The following ABCA3 variants were observed in gnomAD, a reference collection of about 807,000 sequenced individuals.
ABCA3 encodes the protein phospholipid-transporting ATPase ABCA3.
In ABCA3, 88 loss-of-function variants were observed where a neutral mutation model predicts 172.8. The ratio of observed to expected loss-of-function variants is 0.51; its 90% CI spans 0.43 to 0.61. The LOEUF (loss-of-function observed/expected upper bound fraction) is 0.61, where lower values mean the gene tolerates loss of function less well. Among genes scored for constraint, ABCA3 ranks in the 20% least tolerant of loss-of-function variants. ABCA3 has a pLI of 0.00. For synonymous variants in ABCA3, 1,066 were observed against 983.8 expected, an observed-to-expected ratio of 1.08 and a Z score of -1.56; for missense variants, 2,164 against 2,301.0, an observed-to-expected ratio of 0.94 and a Z score of 1.22.
At position 2,325,961 on chromosome 16, in the gene ABCA3, G is replaced by A. The variant is rs771805090; in HGVS notation, c.319+49C>T. The A allele has an allele frequency of 3.7e-6, 6 of 1,609,096 alleles. No individual in the cohort carries two copies. The Admixed American group carries it at 5.0e-5, about 13-fold the overall frequency. Reference sequence around the variant, plus strand: ...GGGCTCGACCCCTGCCTGCCCAGCCGCGTGGAGGCACCACTAGGCCTGGCA... The same window carrying A: ...GGGCTCGACCCCTGCCTGCCCAGCCACGTGGAGGCACCACTAGGCCTGGCA... On this transcript the variant is annotated intron_variant, in intron 5 of 32. Transcript: ENST00000301732.
At chr16:2,291,529 C>A (rs2093671954) in intron 19 of ABCA3, among the ~76,000 whole-genome samples, 1 of 152,204 alleles carries the variant, frequency 6.6e-6, no homozygotes, top group Non-Finnish European at 1.5e-5. Context: ...ACGATCTAAG[C>A]CCAAGAAGAG....
At chr16:2,311,805 C>A (rs545292621) in intron 10 of ABCA3, among the ~76,000 whole-genome samples, 4 of 152,286 alleles carry the variant, frequency 2.6e-5, no homozygotes, top group African/African-American at 9.6e-5. Context: ...CAGGTGTGAG[C>A]CACTGTGCCC....
intron 12 of ABCA3, among the ~76,000 whole-genome samples, chr16:2,303,527 C>T (rs956137558): frequency 6.6e-6 from 1 of 152,114 alleles, no homozygotes; most frequent in Non-Finnish European, 1.5e-5. Context: ...ACCTTGGCCT[C>T]CCAAAGAGCT....
chr16:2,334,060 C>T (rs765855570), intron 1 of ABCA3, among the ~76,000 whole-genome samples: 12 of 152,030 alleles, frequency 7.9e-5, no homozygotes, highest in South Asian at 2.1e-4. Context: ...ATTGCTGTGA[C>T]GGATGCTAAA....
chr16:2,285,123 A>G lies in ABCA3; in HGVS notation c.3484-125T>C. 1 of 1,123,854 alleles carries G rather than the reference A, an allele frequency of 8.9e-7. No homozygotes were observed. The highest frequency in any genetic ancestry group is 1.3e-6 in the Non-Finnish European group (1 of 772,850). 69.6% of individuals were successfully genotyped at this position (1,123,854 alleles called of 1,614,324 possible). On this transcript the variant is annotated intron_variant, in intron 23 of 32. Coordinates refer to ENST00000301732, the MANE Select transcript of ABCA3 (RefSeq NM_001089.3). This position sits in a 1 kb window ranked among gnomAD's most constrained non-coding sequence, Gnocchi z 4.7. ...CCCGGTCAGCTGGCCCATGTCCATC[A>G]GCCCCACAGGCCACGTCTGGCCCCC...
Position 2,286,629 on chromosome 16 carries a change from AG to A in ABCA3, c.3278+64del, listed in dbSNP as rs1454800635. The A allele has an allele frequency of 6.2e-7, 1 of 1,600,152 alleles. No homozygotes were observed. The highest frequency in any genetic ancestry group is 1.3e-5 in the African/African-American group (1 of 74,540). On this transcript the variant is annotated intron_variant, in intron 22 of 32. Coordinates refer to ENST00000301732, the MANE Select transcript of ABCA3 (RefSeq NM_001089.3). The surrounding 1 kb of genome is among the most constrained non-coding windows in gnomAD (Gnocchi z 5.2). ...AATGCTCTATCTATGGGCCCGTGGC[AG>A]TGCCCAGGGCAGTCAGTCCTGGGGG...
At chr16:2,308,416 C>T (rs200111078) in intron 11 of ABCA3, 34 bp downstream of exon 11, 86 of 1,613,536 alleles carry the variant, frequency 5.3e-5, no homozygotes, top group Non-Finnish European at 6.5e-5. Context: ...GTTACTGATT[C>T]GGAAAGAACA....
chr16:2,305,173 A>C (rs952621877), intron 11 of ABCA3, among the ~76,000 whole-genome samples: 1 of 150,216 alleles, frequency 6.7e-6, no homozygotes, highest in African/African-American at 2.5e-5. Context: ...TTGCTCTGTC[A>C]CCCAGGCTGG....
intron 11 of ABCA3, among the ~76,000 whole-genome samples, chr16:2,306,403 A>G (rs191790061): frequency 1.3e-5 from 2 of 152,368 alleles, no homozygotes; most frequent in East Asian, 3.9e-4. Context: ...GGAAACACAG[A>G]TATGTAAAAG....
chr16:2,338,555 C>T (rs529718495), intron 1 of ABCA3, among the ~76,000 whole-genome samples: 7 of 152,206 alleles, frequency 4.6e-5, no homozygotes, highest in South Asian at 2.1e-4. Context: ...GTGATTGTAA[C>T]GGGAAGCCTG....
Position 2,334,943 on chromosome 16 carries a change from C to T in ABCA3, c.-538-5089G>A, listed in dbSNP as rs369141261. The stretch of plus-strand genomic sequence containing the variant: ...TCCTGAGTTCAAGCGATTCTCCTGC[C>T]TCAGCGACCTGAGTGGCTGGGATTA... On this transcript the variant is annotated intron_variant, in intron 1 of 32. Transcript: ENST00000301732. Among the ~76,000 whole-genome samples, 6 of 151,906 alleles carry T rather than the reference C, an allele frequency of 3.9e-5. No homozygotes were observed. The South Asian group carries it at 1.0e-3, about 26-fold the overall frequency.
intron 2 of ABCA3, among the ~76,000 whole-genome samples, chr16:2,329,391 G>C (rs955133070): frequency 5.3e-5 from 8 of 152,154 alleles, no homozygotes; most frequent in African/African-American, 1.7e-4. Flanking sequence ...TCCCGGGGAA[G>C]TACACTCCAG....
intron 20 of ABCA3, among the ~76,000 whole-genome samples, chr16:2,288,756 G>A (rs2093667184): frequency 6.6e-6 from 1 of 152,136 alleles, no homozygotes. Context: ...TGTTGGCCTA[G>A]GCTGGTCTTG....
chr16:2,308,602 C>T lies in ABCA3; in HGVS notation c.1133G>A (p.Gly378Glu), dbSNP rs755301596. 4 of 1,614,066 alleles carry T rather than the reference C, an allele frequency of 2.5e-6. No homozygotes were observed. The Admixed American group carries it at 5.0e-5, about 20-fold the overall frequency. ...FSKANMAAAF[G>E]GFLYFFTYIP... Reference sequence around the variant, plus strand: ...GTAGGTGAAGAAGTAGAGGAAGCCTCCGAAGGCTGCTGCCATGTTGGCTGC... The same window carrying T: ...GTAGGTGAAGAAGTAGAGGAAGCCTTCGAAGGCTGCTGCCATGTTGGCTGC... Residue 378 changes from glycine (G) to glutamate (E), a missense_variant, in exon 11 of 33, where the codon GGA becomes GAA. Physicochemically the swap from Gly to Glu is moderately conservative, Grantham distance 98. Coordinates refer to ENST00000301732, the MANE Select transcript of ABCA3 (RefSeq NM_001089.3).
Position 2,284,960 on chromosome 16 carries a change from C to T in ABCA3, c.3522G>A (p.Arg1174=). 1.2e-6 allele frequency: 2 copies of T among 1,613,760 alleles called. No individual in the cohort carries two copies. The highest frequency in any genetic ancestry group is 3.3e-4 in the Middle Eastern group (2 of 6,018). ...GCAGGGTGTCAGCCATGTGGCCGTC[C>T]CGCGTGAAGGCACGCACGTCGAAGG... ...FKAFDVRAFT[R]DGHMADTLLL... is the part of the protein sequence containing the mutation. Residue 1174 remains arginine, a synonymous_variant, in exon 24 of 33, where the codon CGG becomes CGA. Coordinates refer to ENST00000301732, the MANE Select transcript of ABCA3 (RefSeq NM_001089.3). This position sits in a 1 kb window ranked among gnomAD's most constrained non-coding sequence, Gnocchi z 5.9.
At position 2,286,731 on chromosome 16, in the gene ABCA3, G is replaced by C; in HGVS notation, c.3241C>G (p.Arg1081Gly). 6.2e-7 allele frequency: 1 copy of C among 1,613,844 alleles called. No homozygotes were observed. The highest frequency in any genetic ancestry group is 8.5e-7 in the Non-Finnish European group (1 of 1,179,928). The change falls in exon 22 of 33, where the codon CGG becomes GGG. Residue 1081 changes from arginine (R) to glycine (G), a missense_variant. Arg to Gly is a moderately radical substitution (Grantham distance 125). This residue lies in a region of ABCA3 where 795 missense variants were observed against 881.9 expected (regional missense o/e 0.90). Coordinates refer to ENST00000301732, the MANE Select transcript of ABCA3 (RefSeq NM_001089.3). The surrounding 1 kb of genome is among the most constrained non-coding windows in gnomAD (Gnocchi z 5.2). ...TCCTTGGCAGCCTGCAGGGCGCTCC[G>C]GGGCTGGGGGAAGTTGGAGACCACA... ...SIVVSNFPQP[R>G]SALQAAKDQF...
In ABCA3 at chr16:2,276,791, C is replaced by T. The variant is rs2093647128; in HGVS notation, c.4998G>A (p.Leu1666=). The T allele has an allele frequency of 6.2e-7, 1 of 1,613,800 alleles. No individual in the cohort carries two copies. The highest frequency in any genetic ancestry group is 1.7e-5 in the Admixed American group (1 of 60,006). The change falls in exon 33 of 33, where the codon CTG becomes CTA. Residue 1666 remains leucine (L), a synonymous_variant. Coordinates refer to ENST00000301732, the MANE Select transcript of ABCA3 (RefSeq NM_001089.3). ...CGCCGTACTTTTCCTTGGCTTTCTC[C>T]AGAATACCGAAAACCTTTGGGGAGC... is the stretch of plus-strand genomic sequence containing the variant. ...DLSWAKVFGI[L]EKAKEKYGVD...
intron 11 of ABCA3, among the ~76,000 whole-genome samples, chr16:2,304,588 C>T (rs1312375158): frequency 6.8e-6 from 1 of 146,948 alleles, no homozygotes; most frequent in African/African-American, 2.5e-5. Context: ...CTCACTGCAA[C>T]CTCTGCCTCC....
intron 11 of ABCA3, among the ~76,000 whole-genome samples, chr16:2,307,529 G>A (rs1197814634): frequency 6.6e-6 from 1 of 151,856 alleles, no homozygotes; most frequent in Non-Finnish European, 1.5e-5. Context: ...ACTCAAACCT[G>A]GGAAACAGAA....
Sources: allele counts gnomAD v4.1 joint callset (sites outside exome capture counted in the v4.1 genomes callset), GRCh38; gene constraint gnomAD v4.1.1; regional missense constraint gnomAD v4.1.1; non-coding constraint Gnocchi (gnomAD v3.1); transcripts MANE v1.5; gene names NCBI Gene and HGNC (gene_info 2026-07-23, HGNC 2026-07-21).